Variants in DNAI4 observed in about 807,000 individuals in gnomAD.
DNAI4 encodes the protein WD repeat domain 78.
A neutral mutation model predicts 105.8 loss-of-function variants in DNAI4; 85 were observed. The ratio of observed to expected loss-of-function variants is 0.80; its 90% CI spans 0.67 to 0.96. DNAI4 has a LOEUF of 0.96. Ranked by LOEUF, DNAI4 falls within the 40% of genes least tolerant of loss-of-function variation. The pLI, the probability that DNAI4 is intolerant of heterozygous loss-of-function variation, is 0.00. For missense variants in DNAI4, 1,014 were observed against 1,005.6 expected, an observed-to-expected ratio of 1.01 and a Z score of -0.11; for synonymous variants, 352 against 331.5, an observed-to-expected ratio of 1.06 and a Z score of -0.67.
intron 14 of DNAI4, among the ~76,000 whole-genome samples, chr1:66,827,486 T>C (rs1180017956): frequency 1.3e-5 from 2 of 151,910 alleles, no homozygotes; most frequent in Non-Finnish European, 2.9e-5. Flanking sequence ...GAGACCCATC[T>C]CTTAAAAAAA....
At chr1:66,816,616 C>T (rs1003931108) in intron 16 of DNAI4, among the ~76,000 whole-genome samples, 34 of 151,856 alleles carry the variant, frequency 2.2e-4, no homozygotes, top group Non-Finnish European at 7.4e-5. Flanking sequence ...CTAAGCCTTT[C>T]AAATATAGTG....
intron 4 of DNAI4, among the ~76,000 whole-genome samples, chr1:66,882,837 G>T (rs1270651949): frequency 1.3e-5 from 2 of 151,802 alleles, no homozygotes; most frequent in African/African-American, 4.8e-5. Context: ...AAAGATTGCT[G>T]GGATTTTGAT....
intron 2 of DNAI4, among the ~76,000 whole-genome samples, chr1:66,903,352 T>C (rs1648982060): frequency 6.6e-6 from 1 of 152,208 alleles, no homozygotes; most frequent in Non-Finnish European, 1.5e-5. Context: ...TTGTTAGAAA[T>C]GCAACTAATT....
intron 4 of DNAI4, among the ~76,000 whole-genome samples, chr1:66,883,232 A>C (rs1337110428): frequency 2.1e-5 from 3 of 145,636 alleles, no homozygotes; most frequent in African/African-American, 7.6e-5. Flanking sequence ...TATATAGACA[A>C]TGATGTCATC....
intron 13 of DNAI4, among the ~76,000 whole-genome samples, chr1:66,832,097 C>T (rs1415782001): frequency 1.3e-5 from 2 of 152,170 alleles, no homozygotes; most frequent in Non-Finnish European, 2.9e-5. Flanking sequence ...CAAATATCTC[C>T]AATCATTGCC....
chr1:66,865,986 G>T (rs772494072), intron 6 of DNAI4, among the ~76,000 whole-genome samples: 1 of 152,086 alleles, frequency 6.6e-6, no homozygotes, highest in African/African-American at 2.4e-5. Flanking sequence ...AACTATGGAG[G>T]CCTACTGAAA....
At chr1:66,895,922 TTTGTTGTTG>T (rs535498968) in intron 2 of DNAI4, among the ~76,000 whole-genome samples, 8 of 151,974 alleles carry the variant, frequency 5.3e-5, no homozygotes, top group Middle Eastern at 3.2e-3. Flanking sequence ...GTATTAAGCA[TTTGTTGTTG>T]TTGTTGTTGT....
intron 6 of DNAI4, among the ~76,000 whole-genome samples, chr1:66,869,132 T>C (rs867358946): frequency 1.4e-4 from 21 of 150,376 alleles, no homozygotes; most frequent in South Asian, 6.2e-4. Flanking sequence ...TATATATATA[T>C]ACATATTCTA....
chr1:66,863,929 C>T (rs941201115), intron 6 of DNAI4, among the ~76,000 whole-genome samples: 2 of 152,170 alleles, frequency 1.3e-5, no homozygotes, highest in Non-Finnish European at 2.9e-5. Context: ...TCTTTGAACA[C>T]TGAATTACTC....
intron 6 of DNAI4, among the ~76,000 whole-genome samples, chr1:66,865,017 T>G (rs1646703295): frequency 6.6e-6 from 1 of 152,242 alleles, no homozygotes; most frequent in South Asian, 2.1e-4. Flanking sequence ...TTCTTTACAC[T>G]ACACATGTAT....
chr1:66,814,357 T>C (rs937089997), intron 16 of DNAI4, among the ~76,000 whole-genome samples, 177 bp from the exon 17 acceptor site: 5 of 152,086 alleles, frequency 3.3e-5, no homozygotes, highest in Non-Finnish European at 5.9e-5. Flanking sequence ...AGTATAAACC[T>C]ACTCTTTCCA....
chr1:66,880,174 A>T (rs1391068984), intron 4 of DNAI4, among the ~76,000 whole-genome samples: 1 of 151,992 alleles, frequency 6.6e-6, no homozygotes, highest in Non-Finnish European at 1.5e-5. Context: ...AGTCCATTAA[A>T]CCTCTTTTTC....
At chr1:66,834,595 A>G (rs772243908) in intron 11 of DNAI4, among the ~76,000 whole-genome samples, 3 of 152,140 alleles carry the variant, frequency 2.0e-5, no homozygotes, top group East Asian at 1.9e-4. Context: ...TCTTCTTTCT[A>G]TATTTCACTC....
At chr1:66,850,496 G>C (rs1380963009) in intron 7 of DNAI4, among the ~76,000 whole-genome samples, 1 of 151,162 alleles carries the variant, frequency 6.6e-6, no homozygotes, top group Non-Finnish European at 1.5e-5. Flanking sequence ...AAATGAGAAA[G>C]GAATTTTAGA....
chr1:66,887,958 CA>C (rs58481664), intron 4 of DNAI4, among the ~76,000 whole-genome samples: 16 of 144,226 alleles, frequency 1.1e-4, no homozygotes, highest in East Asian at 4.0e-4. Context: ...GACTTTGTCT[CA>C]AAAAAAAAAA....
intron 2 of DNAI4, among the ~76,000 whole-genome samples, chr1:66,903,852 T>G (rs930700922): frequency 1.3e-5 from 2 of 152,120 alleles, no homozygotes; most frequent in African/African-American, 4.8e-5. Flanking sequence ...GCCACTACTA[T>G]GTTGAAGAGA....
chr1:66,910,711 ACTAT>A (rs1028259258), intron 1 of DNAI4, among the ~76,000 whole-genome samples: 1 of 152,200 alleles, frequency 6.6e-6, no homozygotes, highest in Non-Finnish European at 1.5e-5. Context: ...AGAACTTTTT[ACTAT>A]CTAACATAGT....
At chr1:66,917,319 GC>G (rs1289280223) in intron 1 of DNAI4, among the ~76,000 whole-genome samples, 1 of 152,174 alleles carries the variant, frequency 6.6e-6, no homozygotes, top group Non-Finnish European at 1.5e-5. Context: ...GATTATGGCT[GC>G]CCTAAAATTT....
At chr1:66,892,507 T>C (rs552712519) in intron 3 of DNAI4, among the ~76,000 whole-genome samples, 1 of 152,332 alleles carries the variant, frequency 6.6e-6, no homozygotes, top group Admixed American at 6.5e-5. Context: ...TTGAGTGAAA[T>C]ATATATATTT....
Sources: allele counts gnomAD v4.1 joint callset (sites outside exome capture counted in the v4.1 genomes callset), GRCh38; gene constraint gnomAD v4.1.1; transcripts MANE v1.5; gene names NCBI Gene and HGNC (gene_info 2026-07-23, HGNC 2026-07-21).